The following MAGI2 variants were observed in gnomAD, a reference collection of about 807,000 sequenced individuals.
MAGI2 encodes the protein membrane associated guanylate kinase, WW and PDZ domain containing 2, also known as membrane-associated guanylate kinase, WW and PDZ domain-containing protein 2.
Under a neutral mutation model 133.3 loss-of-function variants are expected in MAGI2, and 35 were observed. The ratio of observed to expected loss-of-function variants is 0.26; its 90% CI spans 0.20 to 0.35. MAGI2 has a LOEUF of 0.35. Ranked by LOEUF, MAGI2 falls within the 10% of genes least tolerant of loss-of-function variation. The pLI is 1.00. For synonymous variants in MAGI2, 729 were observed against 710.6 expected (o/e 1.03, Z -0.41); for missense variants, 1,636 against 1,863.4 (o/e 0.88, Z 2.25).
rs554010061 is a variant in MAGI2, at chr7:78,529,668, GT to G, written c.539-8024del. Among the ~76,000 whole-genome samples the G allele has an allele frequency of 2.5e-3, 145 of 57,368 alleles. 1 individual carries two copies. Among genetic ancestry groups the G allele is most frequent in the East Asian group, 0.012 (22 of 1,884 alleles). The allele number at this position is 57,368 out of a possible 152,430, so 37.6% of individuals were successfully genotyped here. ...TTTCTTTTCCTTGCTAAAGGAGATG[GT>G]TTTTTTTTTTTTTTTTTTTTTTTTT... On this transcript the variant is annotated intron_variant, in intron 3 of 21. Transcript: ENST00000354212.
chr7:78,875,141 TGACAGATGTAAGGG>T (rs559131515), intron 2 of MAGI2, among the ~76,000 whole-genome samples: 57 of 152,218 alleles, frequency 3.7e-4, no homozygotes, highest in African/African-American at 1.3e-3. Context: ...GTTCAACAAG[TGACAGATGTAAGGG>T]GACAGCTGGG....
intron 1 of MAGI2, among the ~76,000 whole-genome samples, chr7:79,287,516 A>C (rs1205205608): frequency 6.6e-6 from 1 of 152,160 alleles, no homozygotes; most frequent in African/African-American, 2.4e-5. Flanking sequence ...GTGCTGAAGC[A>C]TTAGAGTAAG....
At chr7:79,299,757 T>C (rs1030161296) in intron 1 of MAGI2, among the ~76,000 whole-genome samples, 3 of 152,218 alleles carry the variant, frequency 2.0e-5, no homozygotes, top group African/African-American at 7.2e-5. Context: ...TAATCCCCAA[T>C]GCTAGAGGAG....
At chr7:78,696,436 C>A (rs1187166104) in intron 2 of MAGI2, among the ~76,000 whole-genome samples, 1 of 152,104 alleles carries the variant, frequency 6.6e-6, no homozygotes, top group Non-Finnish European at 1.5e-5. Flanking sequence ...ACAAGGAGTA[C>A]ATTAATCCCA....
chr7:79,273,554 G>C (rs554107759), intron 1 of MAGI2, among the ~76,000 whole-genome samples: 1 of 152,064 alleles, frequency 6.6e-6, no homozygotes, highest in African/African-American at 2.4e-5. Context: ...GGTTTTCATT[G>C]ATCAGCCTGA....
chr7:78,660,649 C>T (rs921767083), intron 2 of MAGI2, among the ~76,000 whole-genome samples: 4 of 152,156 alleles, frequency 2.6e-5, no homozygotes, highest in Middle Eastern at 3.4e-3. Flanking sequence ...TTTTAAAACC[C>T]GCTTAAGTAA....
chr7:79,284,140 C>T (rs923636712), intron 1 of MAGI2, among the ~76,000 whole-genome samples: 5 of 152,032 alleles, frequency 3.3e-5, no homozygotes, highest in African/African-American at 7.2e-5. Flanking sequence ...TTTTTCAGAA[C>T]GAATCCTGTC....
chr7:79,259,377 T>C (rs1833917845), intron 1 of MAGI2, among the ~76,000 whole-genome samples: 1 of 152,202 alleles, frequency 6.6e-6, no homozygotes, highest in South Asian at 2.1e-4. Flanking sequence ...CAGAACTCTC[T>C]CTGTTTGTTA....
intron 3 of MAGI2, chr7:78,568,042 A>C (rs1241963745): frequency 6.6e-6 from 1 of 152,172 alleles, no homozygotes; most frequent in Non-Finnish European, 1.5e-5. Context: ...AAGTTTCTTA[A>C]AACACTTTCT....
chr7:79,381,132 T>C (rs1843743925), intron 1 of MAGI2, among the ~76,000 whole-genome samples: 1 of 112,470 alleles, frequency 8.9e-6, no homozygotes, highest in Non-Finnish European at 1.7e-5. Flanking sequence ...ACCATATCGG[T>C]GCTGCTCAGC....
At chr7:79,269,851 A>C (rs1365898024) in intron 1 of MAGI2, among the ~76,000 whole-genome samples, 1 of 152,104 alleles carries the variant, frequency 6.6e-6, no homozygotes, top group Non-Finnish European at 1.5e-5. Flanking sequence ...CCTTTGTAAG[A>C]CTAATGAAAG....
chr7:78,186,209 A>T (rs898866397), intron 12 of MAGI2, among the ~76,000 whole-genome samples: 11 of 152,140 alleles, frequency 7.2e-5, no homozygotes, highest in Admixed American at 5.9e-4. Flanking sequence ...AGCAATAGAG[A>T]TCCTTTATAA....
rs17150918 is a variant in MAGI2 at position 78,508,760 on chromosome 7, T to A, written c.755-6973A>T. 5.9e-3 allele frequency among the ~76,000 whole-genome samples: 899 copies of A among 152,318 alleles called. 8 individuals are homozygous for A. Among genetic ancestry groups the A allele is most frequent in the African/African-American group, 0.021 (862 of 41,566 alleles). ...TAGGGAGAAGGAGCCAAATAACCCA[T>A]GCATGTTTTACCTTTTTTATAGTGG... On this transcript the variant is annotated intron_variant, in intron 4 of 21. Transcript: ENST00000354212.
chr7:79,276,759 T>C (rs1251857635), intron 1 of MAGI2, among the ~76,000 whole-genome samples: 4 of 152,080 alleles, frequency 2.6e-5, no homozygotes, highest in African/African-American at 9.7e-5. Context: ...AGCCCAGAAG[T>C]TCAAGACCAA....
At chr7:78,201,348 C>A (rs1829233651) in intron 10 of MAGI2, among the ~76,000 whole-genome samples, 155 bp from the exon 11 acceptor site, 1 of 152,114 alleles carries the variant, frequency 6.6e-6, no homozygotes, top group Admixed American at 6.6e-5. Context: ...CTTCAAGGAG[C>A]TCAAAATCAA....
chr7:78,593,185 G>A (rs1804225323), intron 3 of MAGI2, among the ~76,000 whole-genome samples: 1 of 151,378 alleles, frequency 6.6e-6, no homozygotes, highest in East Asian at 1.9e-4. Context: ...GAGGTCAGGA[G>A]ATCGAGACCA....
chr7:79,263,982 G>A (rs1420182897), intron 1 of MAGI2, among the ~76,000 whole-genome samples: 1 of 152,088 alleles, frequency 6.6e-6, no homozygotes, highest in Non-Finnish European at 1.5e-5. Context: ...TTACTTTAAG[G>A]TCTATGGCAG....
intron 20 of MAGI2, among the ~76,000 whole-genome samples, chr7:78,110,089 T>A (rs1819203459): frequency 6.6e-6 from 1 of 152,178 alleles, no homozygotes. Context: ...AATTCCCTGA[T>A]AGAAGTACAT....
chr7:78,888,452 T>G (rs911491345), intron 2 of MAGI2, among the ~76,000 whole-genome samples: 15 of 152,302 alleles, frequency 9.8e-5, no homozygotes, highest in African/African-American at 3.4e-4. Context: ...CCCTGACCCC[T>G]GAGTAGCCTA....
Sources: gnomAD v4.1 joint callset for allele counts (sites outside exome capture counted in the v4.1 genomes callset) on GRCh38, gnomAD v4.1.1 for gene constraint, MANE v1.5 for transcripts, NCBI Gene and HGNC (gene_info 2026-07-23, HGNC 2026-07-21) for gene names.